Variants in ARHGEF33 observed in about 807,000 individuals in gnomAD.
ARHGEF33 encodes DH and coiled-coil domain-containing protein ENSP00000381780.
A neutral mutation model predicts 101.9 loss-of-function variants in ARHGEF33; 72 were observed. The observed-to-expected ratio is 0.71, with a 90% CI of 0.58 to 0.86. The LOEUF (loss-of-function observed/expected upper bound fraction) is 0.86, where lower values mean the gene tolerates loss of function less well. ARHGEF33 is among the 40% of genes least tolerant of loss of function. The pLI is 0.00. For synonymous variants in ARHGEF33, 499 were observed against 442.5 expected (o/e 1.13, Z -1.60); for missense variants, 1,169 against 1,111.3 (o/e 1.05, Z -0.74).
At chr2:38,926,630 C>T (rs915688016) in intron 4 of ARHGEF33, among the ~76,000 whole-genome samples, 1 of 152,140 alleles carries the variant, frequency 6.6e-6, no homozygotes, top group African/African-American at 2.4e-5. Context: ...TCAGAATTCC[C>T]AGAGTTCCTA....
intron 17 of ARHGEF33, among the ~76,000 whole-genome samples, chr2:38,968,432 A>G (rs1037034441): frequency 2.0e-5 from 3 of 152,218 alleles, no homozygotes; most frequent in Admixed American, 6.5e-5. Flanking sequence ...CAAGAAATTA[A>G]TGAAGCCTTG....
chr2:38,953,311 A>G, intron 12 of ARHGEF33, 66 bp downstream of exon 12: 1 of 953,288 alleles, frequency 1.0e-6, no homozygotes, highest in Non-Finnish European at 1.7e-6. Context: ...TTGCTCATCC[A>G]CCCAGTCAAT....
At chr2:38,906,944 C>T (rs1666405729) in intron 2 of ARHGEF33, among the ~76,000 whole-genome samples, 1 of 151,952 alleles carries the variant, frequency 6.6e-6, no homozygotes. Context: ...AATGAGACCC[C>T]CTGTCTCAAA....
intron 10 of ARHGEF33, among the ~76,000 whole-genome samples, chr2:38,946,972 A>C (rs1338463026): frequency 6.6e-6 from 1 of 152,222 alleles, no homozygotes; most frequent in Non-Finnish European, 1.5e-5. Flanking sequence ...ACAAAGCAGA[A>C]TGAAATTGTT....
intron 2 of ARHGEF33, among the ~76,000 whole-genome samples, chr2:38,908,188 C>T (rs1307405465): frequency 6.6e-6 from 1 of 152,126 alleles, no homozygotes; most frequent in African/African-American, 2.4e-5. Context: ...TTAACTTCCA[C>T]TCAGATGAAT....
chr2:38,926,498 C>G (rs1666872579), intron 4 of ARHGEF33, among the ~76,000 whole-genome samples: 1 of 152,136 alleles, frequency 6.6e-6, no homozygotes, highest in South Asian at 2.1e-4. Flanking sequence ...ATGGCTTCCC[C>G]TCCCGGGCTG....
intron 15 of ARHGEF33, 68 bp downstream of exon 15, chr2:38,958,266 A>T: frequency 6.6e-7 from 1 of 1,524,602 alleles, no homozygotes; most frequent in Non-Finnish European, 8.8e-7. Context: ...TGTGCGGGTT[A>T]GCAGGGCAGC....
At chr2:38,962,053 C>T (rs758739174) in intron 16 of ARHGEF33, among the ~76,000 whole-genome samples, 1 of 152,198 alleles carries the variant, frequency 6.6e-6, no homozygotes, top group African/African-American at 2.4e-5. Context: ...CTGGTCCCTG[C>T]AGAGGACAAA....
At chr2:38,943,394 T>G (rs1667362075) in intron 9 of ARHGEF33, among the ~76,000 whole-genome samples, 1 of 152,226 alleles carries the variant, frequency 6.6e-6, no homozygotes, top group South Asian at 2.1e-4. Flanking sequence ...CTGTTCAGTA[T>G]GAAGCCTTCC....
Position 38,945,812 on chromosome 2 carries a change from T to C in ARHGEF33, c.920+1782T>C, listed in dbSNP as rs577902426. Among the ~76,000 whole-genome samples, 13 of 152,334 alleles carry C rather than the reference T, an allele frequency of 8.5e-5. No individual in the cohort carries two copies. The Middle Eastern group carries it at 0.014, about 159-fold the overall frequency. On this transcript the variant is annotated intron_variant, in intron 10 of 17. Coordinates refer to ENST00000409978, the MANE Select transcript of ARHGEF33 (RefSeq NM_001145451.5). ...AGCAGCTGCTCTGCTAGGCACTTGA[T>C]TCGTAACTTCACGAAATATTTAGCA...
intron 17 of ARHGEF33, among the ~76,000 whole-genome samples, chr2:38,971,549 G>A (rs1228326909): frequency 6.6e-6 from 1 of 152,146 alleles, no homozygotes; most frequent in Non-Finnish European, 1.5e-5. Context: ...GGTATGCAAG[G>A]TATGCACTAC....
intron 2 of ARHGEF33, among the ~76,000 whole-genome samples, chr2:38,905,172 A>G (rs982579119): frequency 6.6e-6 from 1 of 151,968 alleles, no homozygotes; most frequent in Non-Finnish European, 1.5e-5. Flanking sequence ...GACCAAGGAC[A>G]TTCATTTAGC....
Position 38,923,697 on chromosome 2 carries a change from C to CCAATATAGACTG in ARHGEF33, c.75+2277_75+2278insTATAGACTGCAA, listed in dbSNP as rs1666809266. Among the ~76,000 whole-genome samples the CCAATATAGACTG allele has an allele frequency of 3.3e-5, 5 of 152,164 alleles. No individual in the cohort carries two copies. In the South Asian group the frequency reaches 8.3e-4, roughly 25 times the overall value. On this transcript the variant is annotated intron_variant, in intron 4 of 17. Transcript: ENST00000409978. ...TACAAGATGTCTATATTGCTTTGAG[C>CCAATATAGACTG]CAAGAGGTCTCATGCAGTCATTCAG...
Position 38,891,042 on chromosome 2 carries a change from C to G in ARHGEF33, c.-159+1056C>G, listed in dbSNP as rs559325042. On this transcript the variant is annotated intron_variant, in intron 1 of 17. Transcript: ENST00000409978. ...TTGTCACCTGGGCTCAAGCAATCCTCCCACCTCAGCCCCCACAGGTAACTG... is the reference window on the plus strand; with the variant it reads ...TTGTCACCTGGGCTCAAGCAATCCTGCCACCTCAGCCCCCACAGGTAACTG... Among the ~76,000 whole-genome samples the G allele has an allele frequency of 2.0e-5, 3 of 150,904 alleles. No individual in the cohort carries two copies. The East Asian group carries it at 5.8e-4, about 29-fold the overall frequency.
intron 15 of ARHGEF33, among the ~76,000 whole-genome samples, chr2:38,958,501 C>T (rs534460915): frequency 1.3e-5 from 2 of 152,258 alleles, no homozygotes; most frequent in East Asian, 3.9e-4. Context: ...AATATGAAAC[C>T]CCTAGAGATT....
intron 9 of ARHGEF33, among the ~76,000 whole-genome samples, chr2:38,942,794 G>A (rs998293105): frequency 3.9e-5 from 6 of 152,102 alleles, no homozygotes; most frequent in Non-Finnish European, 5.9e-5. Flanking sequence ...GCAAATGTAT[G>A]AGCATCCTTA....
At chr2:38,933,599 A>G (rs891666444) in intron 7 of ARHGEF33, among the ~76,000 whole-genome samples, 2 of 152,040 alleles carry the variant, frequency 1.3e-5, no homozygotes, top group African/African-American at 4.8e-5. Flanking sequence ...TCTGGTCTCA[A>G]ACTCCTGACC....
At chr2:38,962,822 G>T (rs1251249985) in intron 16 of ARHGEF33, among the ~76,000 whole-genome samples, 1 of 114,132 alleles carries the variant, frequency 8.8e-6, no homozygotes, top group African/African-American at 3.3e-5. Flanking sequence ...AGACCATCCT[G>T]GTCAACACGG....
At chr2:38,943,720 G>A (rs13395448) in intron 9 of ARHGEF33, among the ~76,000 whole-genome samples, 181 bp from the exon 10 acceptor site, 9,991 of 152,216 alleles carry the variant, frequency 0.066, 1,151 homozygotes, top group African/African-American at 0.22. Flanking sequence ...CCAAGACTTC[G>A]TGCCCTTTGC....
Sources: gnomAD v4.1 joint callset for allele counts (sites outside exome capture counted in the v4.1 genomes callset) on GRCh38, gnomAD v4.1.1 for gene constraint, MANE v1.5 for transcripts, NCBI Gene and HGNC (gene_info 2026-07-23, HGNC 2026-07-21) for gene names.